TPD52L1: variants seen among roughly 807,000 people sequenced by gnomAD.
TPD52L1 encodes the protein tumor protein D53.
In TPD52L1, 18 loss-of-function variants were observed where a neutral mutation model predicts 28.7. That is an observed-to-expected ratio of 0.63 (90% CI 0.43 to 0.93). The LOEUF (loss-of-function observed/expected upper bound fraction) is 0.93, where lower values mean the gene tolerates loss of function less well. Among genes scored for constraint, TPD52L1 ranks in the 40% least tolerant of loss-of-function variants. TPD52L1 has a pLI of 0.00. For synonymous variants in TPD52L1, 75 were observed against 88.8 expected, an observed-to-expected ratio of 0.84 and a Z score of 0.88; for missense variants, 203 against 254.8, an observed-to-expected ratio of 0.80 and a Z score of 1.39.
chr6:125,196,845 A>G (rs1793475468), intron 1 of TPD52L1, among the ~76,000 whole-genome samples: 1 of 152,172 alleles, frequency 6.6e-6, no homozygotes. Flanking sequence ...TCTTGCTCAG[A>G]GCCAATTAGT....
At chr6:125,229,071 T>C (rs1448228126) in intron 2 of TPD52L1, 47 bp from the exon 3 acceptor site, 1 of 1,586,768 alleles carries the variant, frequency 6.3e-7, no homozygotes, top group Non-Finnish European at 8.6e-7. Flanking sequence ...AGTATCCTTT[T>C]TTGCTGGTCT....
chr6:125,160,983 G>A (rs1790491696), intron 1 of TPD52L1, among the ~76,000 whole-genome samples: 1 of 151,432 alleles, frequency 6.6e-6, no homozygotes, highest in Non-Finnish European at 1.5e-5. Context: ...TTCCTGAATA[G>A]CAGGGATTAC....
intron 1 of TPD52L1, among the ~76,000 whole-genome samples, chr6:125,168,176 A>G (rs1009022181): frequency 1.3e-5 from 2 of 152,184 alleles, no homozygotes; most frequent in Non-Finnish European, 2.9e-5. Context: ...GGTACTTACT[A>G]TTAAATATGC....
intron 1 of TPD52L1, among the ~76,000 whole-genome samples, chr6:125,188,649 A>G (rs1192224806): frequency 6.6e-6 from 1 of 152,142 alleles, no homozygotes; most frequent in Non-Finnish European, 1.5e-5. Flanking sequence ...ACTCTCTTCT[A>G]GTCTACTTTA....
At chr6:125,171,730 T>C (rs964421607) in intron 1 of TPD52L1, among the ~76,000 whole-genome samples, 2 of 152,180 alleles carry the variant, frequency 1.3e-5, no homozygotes, top group Non-Finnish European at 2.9e-5. Flanking sequence ...GAGAGTGCAG[T>C]ATGGCCGACA....
At chr6:125,211,505 G>A (rs750573510) in intron 1 of TPD52L1, among the ~76,000 whole-genome samples, 8 of 152,200 alleles carry the variant, frequency 5.3e-5, no homozygotes, top group Non-Finnish European at 1.0e-4. Context: ...GAATGTTGCA[G>A]TGGTGATTTC....
At chr6:125,199,124 T>C (rs1193415205) in intron 1 of TPD52L1, among the ~76,000 whole-genome samples, 1 of 152,230 alleles carries the variant, frequency 6.6e-6, no homozygotes. Flanking sequence ...GAGAGAAAAG[T>C]CTTCCTTGAT....
At chr6:125,171,932 AT>A (rs59372322) in intron 1 of TPD52L1, among the ~76,000 whole-genome samples, 9,457 of 151,174 alleles carry the variant, frequency 0.063, 572 homozygotes, top group East Asian at 0.33. Flanking sequence ...TGGGATGTAT[AT>A]TTTTTTTTGT....
intron 6 of TPD52L1, 63 bp from the exon 7 acceptor site, chr6:125,262,771 A>T: frequency 1.3e-6 from 2 of 1,542,318 alleles, no homozygotes; most frequent in Non-Finnish European, 1.7e-6. Flanking sequence ...TGGTATTCTT[A>T]TAAAAACATT....
intron 1 of TPD52L1, among the ~76,000 whole-genome samples, chr6:125,197,010 C>T (rs543119929): frequency 6.6e-6 from 1 of 152,364 alleles, no homozygotes; most frequent in African/African-American, 2.4e-5. Context: ...TGTCCTGAAT[C>T]TCCCACTGGG....
intron 3 of TPD52L1, among the ~76,000 whole-genome samples, chr6:125,232,454 C>T (rs777538650): frequency 3.9e-5 from 6 of 152,056 alleles, no homozygotes; most frequent in Admixed American, 1.3e-4. Context: ...CATTCCAGGA[C>T]AAAATCTGCA....
chr6:125,174,263 A>C (rs78884204), intron 1 of TPD52L1, among the ~76,000 whole-genome samples: 2,158 of 152,266 alleles, frequency 0.014, 50 homozygotes, highest in African/African-American at 0.049. Context: ...ACAGACACGA[A>C]AGAACCAAAG....
chr6:125,172,424 A>T (rs1323888733), intron 1 of TPD52L1, among the ~76,000 whole-genome samples: 1 of 131,994 alleles, frequency 7.6e-6, no homozygotes, highest in Non-Finnish European at 1.6e-5. Context: ...AAGTATTGGG[A>T]TTATAGGCAT....
chr6:125,158,384 T>G (rs1226838818), intron 1 of TPD52L1, among the ~76,000 whole-genome samples: 1 of 145,214 alleles, frequency 6.9e-6, no homozygotes. Context: ...ACTTTATACT[T>G]ACATTATAAG....
intron 3 of TPD52L1, among the ~76,000 whole-genome samples, chr6:125,242,773 T>C (rs1796690382): frequency 6.6e-6 from 1 of 152,144 alleles, no homozygotes. Context: ...AAGTGGAGCA[T>C]TTAGGCCATT....
At chr6:125,206,231 A>G (rs546311630) in intron 1 of TPD52L1, among the ~76,000 whole-genome samples, 1 of 152,328 alleles carries the variant, frequency 6.6e-6, no homozygotes, top group East Asian at 1.9e-4. Context: ...TGTTTAGAGG[A>G]CGATGTCTGA....
intron 1 of TPD52L1, chr6:125,154,419 C>A: frequency 1.0e-6 from 1 of 989,640 alleles, no homozygotes; most frequent in Non-Finnish European, 1.2e-6. Context: ...GAGAGGATCG[C>A]CCGCCGAGGG....
At chr6:125,156,548 T>C (rs1025721383) in intron 1 of TPD52L1, among the ~76,000 whole-genome samples, 24 of 150,796 alleles carry the variant, frequency 1.6e-4, no homozygotes, top group African/African-American at 5.4e-4. Context: ...AGGAGACAGA[T>C]TTTTTGAGCC....
At chr6:125,176,228 T>C (rs1162530710) in intron 1 of TPD52L1, among the ~76,000 whole-genome samples, 1 of 152,254 alleles carries the variant, frequency 6.6e-6, no homozygotes, top group Non-Finnish European at 1.5e-5. Context: ...TGGCCTGCTC[T>C]ACTTAGCTAG....
Sources: allele counts gnomAD v4.1 joint callset (sites outside exome capture counted in the v4.1 genomes callset), GRCh38; gene constraint gnomAD v4.1.1; transcripts MANE v1.5; gene names NCBI Gene and HGNC (gene_info 2026-07-23, HGNC 2026-07-21).